Variants in CFAP54 observed in about 807,000 individuals in gnomAD.
CFAP54 encodes the protein cilia- and flagella-associated protein 54.
CFAP54 carries 290 observed loss-of-function variants against 370.4 expected under a neutral mutation model. The observed-to-expected ratio is 0.78, with a 90% CI of 0.71 to 0.86. The LOEUF is 0.86. Among genes scored for constraint, CFAP54 ranks in the 40% least tolerant of loss-of-function variants. The probability of loss-of-function intolerance (pLI) is 0.00; values close to 1 mark genes in which losing one functional copy is unlikely to be tolerated. For synonymous variants in CFAP54, 1,206 were observed against 1,236.5 expected, an observed-to-expected ratio of 0.98 and a Z score of 0.52; for missense variants, 3,399 against 3,528.7, an observed-to-expected ratio of 0.96 and a Z score of 0.93.
Position 96,786,677 on chromosome 12 carries a change from T to A in CFAP54, c.8458T>A (p.Ser2820Thr), listed in dbSNP as rs1325001287. The change falls in exon 62 of 68, where the codon TCT (serine) becomes ACT (threonine). Residue 2820 changes from serine to threonine, a missense_variant and splice_region_variant. Physicochemically the swap from Ser to Thr is moderately conservative, Grantham distance 58. Around this residue, in one of 3 missense-constraint regions of CFAP54, gnomAD observed 2,796 missense variants for 2,869.7 expected, o/e 0.97. Transcript: ENST00000524981. The part of the protein sequence containing the change: ...RINNLSKLLA[S>T]ATPVSGISLP... ...CTAAGGTATTTTTCTTTCTTAAGCA[T>A]CTGCAACACCAGTATCTGGAATTTC... 2 of 1,525,312 alleles carry A rather than the reference T, an allele frequency of 1.3e-6. No homozygotes were observed. Among genetic ancestry groups the A allele is most frequent in the African/African-American group, 1.4e-5 (1 of 72,626 alleles). 94.5% of individuals were successfully genotyped at this position (1,525,312 alleles called of 1,614,324 possible).
chr12:96,508,212 G>A (rs1005427474), intron 4 of CFAP54, among the ~76,000 whole-genome samples: 1 of 130,904 alleles, frequency 7.6e-6, no homozygotes, highest in Admixed American at 9.5e-5. Context: ...CTGCAGCCTT[G>A]AGCCTTGAAC....
intron 60 of CFAP54, among the ~76,000 whole-genome samples, chr12:96,777,670 A>C (rs1958533090): frequency 6.6e-6 from 1 of 151,932 alleles, no homozygotes; most frequent in African/African-American, 2.4e-5. Context: ...TTCTTAAGTG[A>C]AACTGACATT....
chr12:96,849,799 A>G (rs1019170204), intron 66 of CFAP54, among the ~76,000 whole-genome samples: 2 of 151,920 alleles, frequency 1.3e-5, no homozygotes, highest in African/African-American at 4.8e-5. Flanking sequence ...TCAGACTTTC[A>G]TCCTCTCTAG....
In CFAP54 at chr12:96,811,758, A is replaced by G; in HGVS notation, c.8873A>G (p.Asn2958Ser). 1 of 1,512,238 alleles carries G rather than the reference A, an allele frequency of 6.6e-7. No individual in the cohort carries two copies. 93.7% of individuals were successfully genotyped at this position (1,512,238 alleles called of 1,614,324 possible). Residue 2958 changes from asparagine (N) to serine (S), a missense_variant, in exon 64 of 68, where the codon AAT becomes AGT. Asn to Ser is a conservative substitution (Grantham distance 46). Coordinates refer to ENST00000524981, the MANE Select transcript of CFAP54 (RefSeq NM_001306084.2). ...TAGGTTTTATTGTTGTATGCATATA[A>G]TTTGAAGCCTCTGAAGATTTCAGAT... The part of the protein sequence containing the change: ...EPMVLLLYAY[N>S]LKPLKISDVR...
At chr12:96,508,189 T>A (rs1344849479) in intron 4 of CFAP54, among the ~76,000 whole-genome samples, 4 of 142,292 alleles carry the variant, frequency 2.8e-5, no homozygotes, top group African/African-American at 1.0e-4. Flanking sequence ...TGGAGTGCAG[T>A]GTGGCATGAT....
At chr12:96,850,318 C>T (rs1368213035) in intron 66 of CFAP54, among the ~76,000 whole-genome samples, 1 of 147,986 alleles carries the variant, frequency 6.8e-6, no homozygotes, top group African/African-American at 2.5e-5. Context: ...CCATTGCACT[C>T]CAGAGAGTGA....
Position 96,765,192 on chromosome 12 carries a change from T to A in CFAP54, c.8255T>A (p.Leu2752Ter). ...CCAGAATTTGCTGCTCTGGATCTTT[T>A]GTCTTCGTATACAGATTATTTGCTT... Reference protein sequence around the residue: ...NIPEFAALDLLSSYTDYLLDN... With the variant: ...NIPEFAALDL The change falls in exon 60 of 68, where the codon TTG (leucine) becomes TAG (stop). Residue 2752 changes from leucine (L) to a stop codon, truncating the protein, a stop_gained. Transcript: ENST00000524981. LOFTEE classifies it high-confidence loss of function. 6.5e-7 allele frequency: 1 copy of A among 1,537,606 alleles called. No individual in the cohort carries two copies. The highest frequency in any genetic ancestry group is 8.9e-7 in the Non-Finnish European group (1 of 1,128,482).
At chr12:96,842,005 C>T (rs908048389) in intron 66 of CFAP54, among the ~76,000 whole-genome samples, 2 of 152,126 alleles carry the variant, frequency 1.3e-5, no homozygotes, top group Non-Finnish European at 1.5e-5. Context: ...ACATTGTGGT[C>T]ATCTTTATTT....
chr12:96,738,116 G>A (rs1391520531), intron 50 of CFAP54, among the ~76,000 whole-genome samples: 3 of 152,160 alleles, frequency 2.0e-5, no homozygotes, highest in African/African-American at 4.8e-5. Context: ...TGGCTTGAAC[G>A]AACGCGTTAG....
intron 67 of CFAP54, among the ~76,000 whole-genome samples, chr12:96,865,104 G>A (rs1255888281): frequency 6.6e-6 from 1 of 152,086 alleles, no homozygotes; most frequent in African/African-American, 2.4e-5. Context: ...TCTACAAAAT[G>A]AGCTCCCACC....
chr12:96,718,529 T>G lies in CFAP54; in HGVS notation c.6804+7T>G, dbSNP rs999910106. The G allele has an allele frequency of 1.1e-5, 17 of 1,525,552 alleles. No homozygotes were observed. The African/African-American group carries it at 2.3e-4, about 21-fold the overall frequency. 94.5% of individuals were successfully genotyped at this position (1,525,552 alleles called of 1,614,324 possible). A position where few individuals can be genotyped will look rare whatever the true frequency, so the allele number is the denominator to read the frequency against. ...CACTCTTAGCATGCTAAAGGTAAGT[T>G]TGAAACTGTTTTCAAACCATTAAGT... On this transcript the variant is annotated splice_region_variant and intron_variant, in intron 49 of 67. Transcript: ENST00000524981.
At chr12:96,573,057 G>T in intron 19 of CFAP54, 1 of 985,288 alleles carries the variant, frequency 1.0e-6, no homozygotes, top group South Asian at 4.7e-5. Flanking sequence ...GGAGGTCAAA[G>T]GCAGTCTGCT....
rs545820947 is a variant in CFAP54 at position 96,759,765 on chromosome 12, C to T, written c.8040+2177C>T. ...GAGGTCTTTCTAAGCCTAGTTTCCT[C>T]GCCTGTGAAATGGAGATGAGGATCC... On this transcript the variant is annotated intron_variant, in intron 58 of 67. Transcript: ENST00000524981. Among the ~76,000 whole-genome samples, 42 of 152,260 alleles carry T rather than the reference C, an allele frequency of 2.8e-4. No individual in the cohort carries two copies. In the Middle Eastern group the frequency reaches 0.01, roughly 37 times the overall value.
At chr12:96,552,475 G>C (rs1179243192) in intron 15 of CFAP54, among the ~76,000 whole-genome samples, 4 of 151,774 alleles carry the variant, frequency 2.6e-5, no homozygotes, top group Non-Finnish European at 5.9e-5. Flanking sequence ...TCCCAAGTAT[G>C]TGGGACTACA....
rs189802673 is a variant in CFAP54, at chr12:96,523,682, C to T, written c.1158+1493C>T. ...TGATGCTATAGTCTTTGTAAAAGGACAGGGAACAATTTTTTTTTTCTCCCC... is the reference window on the plus strand; with the variant it reads ...TGATGCTATAGTCTTTGTAAAAGGATAGGGAACAATTTTTTTTTTCTCCCC... On this transcript the variant is annotated intron_variant, in intron 8 of 67. Coordinates refer to ENST00000524981, the MANE Select transcript of CFAP54 (RefSeq NM_001306084.2). Among the ~76,000 whole-genome samples the T allele has an allele frequency of 3.0e-3, 402 of 134,682 alleles. 2 individuals are homozygous for T. Among genetic ancestry groups the T allele is most frequent in the Non-Finnish European group, 4.6e-3 (295 of 63,690 alleles). 88.4% of individuals were successfully genotyped at this position (134,682 alleles called of 152,430 possible). A position where few individuals can be genotyped will look rare whatever the true frequency, so the allele number is the denominator to read the frequency against.
intron 1 of CFAP54, among the ~76,000 whole-genome samples, chr12:96,500,370 G>A (rs1955012627): frequency 6.6e-6 from 1 of 152,216 alleles, no homozygotes; most frequent in South Asian, 2.1e-4. Context: ...TATTTTCACA[G>A]TGGATAGACA....
intron 26 of CFAP54, among the ~76,000 whole-genome samples, chr12:96,610,028 A>G (rs1461921535): frequency 1.3e-5 from 2 of 152,230 alleles, no homozygotes; most frequent in East Asian, 3.9e-4. Context: ...AACCTGATTA[A>G]TTTAAAAGTT....
intron 26 of CFAP54, among the ~76,000 whole-genome samples, chr12:96,616,292 C>T (rs1013854100): frequency 2.0e-5 from 3 of 151,422 alleles, no homozygotes; most frequent in Non-Finnish European, 4.4e-5. Context: ...TATTCTCACT[C>T]ATAGGTGGGA....
At chr12:96,755,972 C>T (rs970818388) in intron 56 of CFAP54, among the ~76,000 whole-genome samples, 1 of 152,040 alleles carries the variant, frequency 6.6e-6, no homozygotes, top group African/African-American at 2.4e-5. Flanking sequence ...AGCCATATCA[C>T]GTTTTCTTTA....
Sources: gnomAD v4.1 joint callset for allele counts (sites outside exome capture counted in the v4.1 genomes callset) on GRCh38, gnomAD v4.1.1 for gene constraint, gnomAD v4.1.1 regional missense constraint, MANE v1.5 for transcripts, NCBI Gene and HGNC (gene_info 2026-07-23, HGNC 2026-07-21) for gene names.